Variants in POLI observed in about 807,000 individuals in gnomAD.
The protein encoded by POLI is RAD30 homolog B.
Under a neutral mutation model 51.6 loss-of-function variants are expected in POLI, and 58 were observed. The observed-to-expected ratio is 1.12, with a 90% CI of 0.91 to 1.40. The LOEUF (loss-of-function observed/expected upper bound fraction) is 1.40. Ranked by LOEUF, POLI falls within the 40% of genes most tolerant of loss-of-function variation. The probability of loss-of-function intolerance (pLI) is 0.00; values close to 1 mark genes in which losing one functional copy is unlikely to be tolerated. For synonymous variants in POLI, 322 were observed against 299.7 expected, an observed-to-expected ratio of 1.07 and a Z score of -0.77; for missense variants, 921 against 871.3, an observed-to-expected ratio of 1.06 and a Z score of -0.72.
In POLI at chr18:54,294,383, C is replaced by T. The variant is rs2088191181; in HGVS notation, c.2139C>T (p.Phe713=). The change falls in exon 10 of 10, where the codon TTC becomes TTT. Residue 713 remains phenylalanine, a synonymous_variant. Transcript: ENST00000579534. ...CTTCTGACATTGATCCTCAAGTTTTCTATGAACTACCAGAAGCAGTACAAA... is the reference window on the plus strand; with the variant it reads ...CTTCTGACATTGATCCTCAAGTTTTTTATGAACTACCAGAAGCAGTACAAA... ...TFPSDIDPQV[F]YELPEAVQKE... is the part of the protein sequence containing the mutation. 7 of 1,613,560 alleles carry T rather than the reference C, an allele frequency of 4.3e-6. No individual in the cohort carries two copies. The highest frequency in any genetic ancestry group is 5.1e-6 in the Non-Finnish European group (6 of 1,179,662).
intron 3 of POLI, among the ~76,000 whole-genome samples, chr18:54,309,736 C>G (rs1017549350): frequency 5.9e-5 from 9 of 152,170 alleles, no homozygotes; most frequent in Admixed American, 3.9e-4. Context: ...TGGGCTCCAC[C>G]CAGTTTGAGC....
intron 7 of POLI, 116 bp from the exon 8 acceptor site, chr18:54,287,161 GCTAT>G: frequency 1.6e-6 from 1 of 613,994 alleles, no homozygotes. Flanking sequence ...TTTGTTATCT[GCTAT>G]ATGTATAATT....
intron 1 of POLI, 153 bp downstream of exon 1, chr18:54,269,814 C>A: frequency 7.3e-7 from 1 of 1,365,462 alleles, no homozygotes; most frequent in Non-Finnish European, 9.4e-7. Context: ...CCTTGTGTTA[C>A]GCGGCGGGTA....
At chr18:54,318,921 C>G (rs1050449828) in intron 3 of POLI, among the ~76,000 whole-genome samples, 1 of 152,152 alleles carries the variant, frequency 6.6e-6, no homozygotes, top group Non-Finnish European at 1.5e-5. Context: ...TACTGGAATA[C>G]CTTTCCAGAT....
chr18:54,293,574 A>G, intron 9 of POLI, 75 bp from the exon 10 acceptor site: 2 of 1,015,114 alleles, frequency 2.0e-6, no homozygotes, highest in Non-Finnish European at 2.8e-6. Context: ...GATAATAGCT[A>G]CAGGCACACA....
intron 3 of POLI, among the ~76,000 whole-genome samples, chr18:54,275,286 A>G (rs2087189400): frequency 6.6e-6 from 1 of 152,178 alleles, no homozygotes; most frequent in African/African-American, 2.4e-5. Context: ...GTGTCATTGC[A>G]TTGCAGCCTG....
chr18:54,298,684 G>A (rs1336250352), downstream of POLI, among the ~76,000 whole-genome samples: 5 of 147,436 alleles, frequency 3.4e-5, no homozygotes, highest in Non-Finnish European at 1.5e-5. Flanking sequence ...TCCATCTCCT[G>A]GGTTCAAGTG....
At chr18:54,283,543 C>T (rs1250767428) in intron 6 of POLI, among the ~76,000 whole-genome samples, 4 of 151,902 alleles carry the variant, frequency 2.6e-5, no homozygotes, top group African/African-American at 9.7e-5. Flanking sequence ...ATGAGGATAC[C>T]GTACTTTAGA....
At chr18:54,299,000 A>C (rs1230695270), downstream of POLI, among the ~76,000 whole-genome samples, 1 of 152,152 alleles carries the variant, frequency 6.6e-6, no homozygotes, top group Non-Finnish European at 1.5e-5. Context: ...AGATAAGCCC[A>C]TTGTAAATTG....
chr18:54,294,973 C>T lies in POLI; in HGVS notation c.*506C>T. On this transcript the variant is annotated 3_prime_UTR_variant, in exon 10 of 10. Coordinates refer to ENST00000579534, the MANE Select transcript of POLI (RefSeq NM_007195.3). The stretch of plus-strand genomic sequence containing the variant: ...TATGTTGACTTTTAAAATACCAAAG[C>T]AATTTATATTCAATTAATGCTTCTT... 2.0e-6 allele frequency: 2 copies of T among 984,240 alleles called. No individual in the cohort carries two copies. Among genetic ancestry groups the T allele is most frequent in the Non-Finnish European group, 1.2e-6 (1 of 828,940 alleles). The allele number at this position is 984,240 out of a possible 1,614,324, so 61.0% of individuals were successfully genotyped here.
rs866636393 is a variant in POLI at position 54,274,064 on chromosome 18, A to G, written c.380A>G (p.Tyr127Cys). 2.0e-6 allele frequency: 3 copies of G among 1,498,066 alleles called. No homozygotes were observed. The highest frequency in any genetic ancestry group is 2.7e-6 in the Non-Finnish European group (3 of 1,120,446). The allele number at this position is 1,498,066 out of a possible 1,614,324, so 92.8% of individuals were successfully genotyped here. A position where few individuals can be genotyped will look rare whatever the true frequency, so the allele number is the denominator to read the frequency against. The change falls in exon 3 of 10, where the codon TAC becomes TGC. Residue 127 changes from tyrosine (Y) to cysteine (C), a missense_variant. By Grantham distance (194) the Tyr-to-Cys change is radical. Transcript: ENST00000579534. ...GTTAATGGAGAAGACCTGACCCGCT[A>G]CAGAGAAATGTCTTATAAGGTTACA... The part of the protein sequence containing the change: ...VLVNGEDLTR[Y>C]REMSYKVTEL...
At chr18:54,300,641 T>TCTAAAAA (rs1439816672), downstream of POLI, among the ~76,000 whole-genome samples, 1 of 152,022 alleles carries the variant, frequency 6.6e-6, no homozygotes, top group Non-Finnish European at 1.5e-5. Context: ...ATATAAATGA[T>TCTAAAAA]CTAAAAACCT....
At chr18:54,300,529 C>T (rs2088472751), downstream of POLI, among the ~76,000 whole-genome samples, 1 of 151,254 alleles carries the variant, frequency 6.6e-6, no homozygotes, top group Admixed American at 6.6e-5. Flanking sequence ...ATTCAATCCC[C>T]AAAAAAAGCT....
chr18:54,305,610 G>C (rs1267690933), intron 3 of POLI, among the ~76,000 whole-genome samples: 2 of 143,224 alleles, frequency 1.4e-5, no homozygotes, highest in East Asian at 3.9e-4. Context: ...CATTGATTTT[G>C]TGTCCTGAGA....
rs1448191054 is a variant in POLI, at chr18:54,294,773, T to C, written c.*306T>C. The stretch of plus-strand genomic sequence containing the variant: ...GTGGGGAGATGTATATGTTTATATA[T>C]AAAAAATAGCCAAATCGTTGCAATG... On this transcript the variant is annotated 3_prime_UTR_variant, in exon 10 of 10. Coordinates refer to ENST00000579534, the MANE Select transcript of POLI (RefSeq NM_007195.3). 5 of 991,830 alleles carry C rather than the reference T, an allele frequency of 5.0e-6. No individual in the cohort carries two copies. The highest frequency in any genetic ancestry group is 4.9e-4 in the Middle Eastern group (1 of 2,030). The allele number at this position is 991,830 out of a possible 1,614,324, so 61.4% of individuals were successfully genotyped here. A position where few individuals can be genotyped will look rare whatever the true frequency, so the allele number is the denominator to read the frequency against.
At chr18:54,310,733 A>C (rs2088659269) in intron 3 of POLI, among the ~76,000 whole-genome samples, 1 of 152,174 alleles carries the variant, frequency 6.6e-6, no homozygotes, top group Non-Finnish European at 1.5e-5. Flanking sequence ...GCTTTTGAGA[A>C]AACTATAAGC....
intron 3 of POLI, among the ~76,000 whole-genome samples, chr18:54,275,383 A>G (rs1218379519): frequency 6.6e-6 from 1 of 152,268 alleles, no homozygotes; most frequent in Admixed American, 6.5e-5. Flanking sequence ...AATGTTTATC[A>G]TAGCATGGTT....
At chr18:54,292,121 C>G in intron 9 of POLI, 83 bp downstream of exon 9, 2 of 817,820 alleles carry the variant, frequency 2.4e-6, no homozygotes, top group Non-Finnish European at 4.0e-6. Context: ...AAGTGCTTGT[C>G]TTTTTGATAT....
Position 54,294,096 on chromosome 18 carries a change from CA to C in POLI, c.1856del (p.Lys619ArgfsTer7). 1 of 1,608,540 alleles carries C rather than the reference CA, an allele frequency of 6.2e-7. No homozygotes were observed. The highest frequency in any genetic ancestry group is 8.5e-7 in the Non-Finnish European group (1 of 1,175,216). Reference sequence around the variant, plus strand: ...CAGTAGTTCTTCTTACATGTCTAGCCAAAAGGATTATTCATATTATTTAGAT... The same window carrying C: ...CAGTAGTTCTTCTTACATGTCTAGCCAAAGGATTATTCATATTATTTAGAT... ...NSSSSSYMSS[Q>X]KDYSYYLDNR... On this transcript the variant is annotated frameshift_variant, in exon 10 of 10. Transcript: ENST00000579534. LOFTEE classifies it low-confidence loss of function (END_TRUNC).
Sources: gnomAD v4.1 joint callset for allele counts (sites outside exome capture counted in the v4.1 genomes callset) on GRCh38, gnomAD v4.1.1 for gene constraint, MANE v1.5 for transcripts, NCBI Gene and HGNC (gene_info 2026-07-23, HGNC 2026-07-21) for gene names.